Variants in EVI5 observed in about 807,000 individuals in gnomAD.
EVI5 encodes ecotropic viral integration site 5.
A neutral mutation model predicts 112.0 loss-of-function variants in EVI5; 73 were observed. The observed-to-expected ratio is 0.65, with a 90% CI of 0.54 to 0.79. The LOEUF (loss-of-function observed/expected upper bound fraction) is 0.79, where lower values mean the gene tolerates loss of function less well. Ranked by LOEUF, EVI5 falls within the 30% of genes least tolerant of loss-of-function variation. EVI5 has a pLI of 0.00. For missense variants in EVI5, 900 were observed against 968.8 expected (o/e 0.93, Z 0.94); for synonymous variants, 305 against 319.9 (o/e 0.95, Z 0.50).
chr1:92,655,696 G>C (rs1662879205), intron 13 of EVI5, among the ~76,000 whole-genome samples: 1 of 152,026 alleles, frequency 6.6e-6, no homozygotes, highest in South Asian at 2.1e-4. Context: ...AGATAAAACA[G>C]ACTTTAAATC....
chr1:92,563,150 T>G (rs918704432), intron 19 of EVI5, among the ~76,000 whole-genome samples: 1 of 152,144 alleles, frequency 6.6e-6, no homozygotes, highest in African/African-American at 2.4e-5. Flanking sequence ...TAGTACCAGT[T>G]TAAAAAGCAT....
chr1:92,527,429 A>AAAAAAAG (rs1662093705), intron 19 of EVI5, among the ~76,000 whole-genome samples: 65 of 134,734 alleles, frequency 4.8e-4, no homozygotes, highest in African/African-American at 6.2e-4. Flanking sequence ...AAAAAAAAAA[A>AAAAAAAG]AAAAGAAAAA....
chr1:92,553,326 G>C (rs1382443650), intron 19 of EVI5, among the ~76,000 whole-genome samples: 1 of 80,084 alleles, frequency 1.2e-5, no homozygotes, highest in Non-Finnish European at 2.3e-5. Context: ...TTTTTGAGAT[G>C]GAGTCTCACT....
chr1:92,520,007 A>G (rs1283157904), intron 19 of EVI5, among the ~76,000 whole-genome samples: 2 of 152,100 alleles, frequency 1.3e-5, no homozygotes, highest in Non-Finnish European at 2.9e-5. Context: ...TTATAGAGAC[A>G]GAAAGTAGAT....
intron 18 of EVI5, among the ~76,000 whole-genome samples, chr1:92,578,971 G>A (rs934721392): frequency 1.3e-5 from 2 of 152,150 alleles, no homozygotes; most frequent in Admixed American, 6.5e-5. Flanking sequence ...CCTCAGTCTC[G>A]CAAAGTGCTG....
intron 2 of EVI5, among the ~76,000 whole-genome samples, chr1:92,727,102 C>T (rs536406096): frequency 2.0e-5 from 3 of 152,188 alleles, no homozygotes; most frequent in African/African-American, 7.2e-5. Context: ...TGAAAGAAGT[C>T]GGTTACAAAA....
upstream of EVI5, among the ~76,000 whole-genome samples, chr1:92,786,244 A>G (rs1164928181): frequency 6.6e-6 from 1 of 152,116 alleles, no homozygotes; most frequent in East Asian, 1.9e-4. Flanking sequence ...AGAAAAAAAA[A>G]AAAAAAAAAA....
chr1:92,514,332 T>G (rs551778632), intron 19 of EVI5, among the ~76,000 whole-genome samples: 2 of 152,162 alleles, frequency 1.3e-5, no homozygotes, highest in Non-Finnish European at 2.9e-5. Flanking sequence ...TTTTTTGTAT[T>G]TTTTGTAGAC....
chr1:92,632,753 T>C (rs978719140), intron 14 of EVI5, among the ~76,000 whole-genome samples: 5 of 152,200 alleles, frequency 3.3e-5, no homozygotes, highest in African/African-American at 1.2e-4. Context: ...CTAGTTCTTT[T>C]AATTGTGATG....
intron 2 of EVI5, among the ~76,000 whole-genome samples, chr1:92,714,449 C>G (rs1325189725): frequency 6.6e-6 from 1 of 152,104 alleles, no homozygotes; most frequent in Non-Finnish European, 1.5e-5. Flanking sequence ...ATATAACTTA[C>G]ATATCTATAT....
chr1:92,757,262 A>T (rs1024740243), intron 1 of EVI5, among the ~76,000 whole-genome samples: 1 of 152,256 alleles, frequency 6.6e-6, no homozygotes, highest in Admixed American at 6.5e-5. Context: ...AAATTTGGAC[A>T]GACTCCAATT....
rs981038887 is a variant in EVI5 at position 92,684,729 on chromosome 1, CA to C, written c.1098-7512del. Among the ~76,000 whole-genome samples, 410 of 139,900 alleles carry C rather than the reference CA, an allele frequency of 2.9e-3. 1 individual carries two copies. Among genetic ancestry groups the C allele is most frequent in the African/African-American group, 9.2e-3 (351 of 38,142 alleles). 91.8% of individuals were successfully genotyped at this position (139,900 alleles called of 152,430 possible). A position where few individuals can be genotyped will look rare whatever the true frequency, so the allele number is the denominator to read the frequency against. On this transcript the variant is annotated intron_variant, in intron 9 of 19. Transcript: ENST00000684568. Reference sequence around the variant, plus strand: ...GAAGATCTACCAAGCAATTGGAAAGCAAAAAAAAAAGCATGGGTTGCAATCC... The same window carrying C: ...GAAGATCTACCAAGCAATTGGAAAGCAAAAAAAAAGCATGGGTTGCAATCC...
chr1:92,772,645 G>A (rs1333282283), intron 1 of EVI5, among the ~76,000 whole-genome samples: 1 of 152,138 alleles, frequency 6.6e-6, no homozygotes, highest in Non-Finnish European at 1.5e-5. Context: ...GCTCATGCCT[G>A]TAATCCCAGC....
At chr1:92,788,340 G>A (rs961183208), upstream of EVI5, among the ~76,000 whole-genome samples, 13 of 152,028 alleles carry the variant, frequency 8.6e-5, no homozygotes, top group South Asian at 2.7e-3. Flanking sequence ...CGGGCATGGT[G>A]GCGTGTGCCT....
chr1:92,579,913 T>C (rs1671679472), intron 18 of EVI5, among the ~76,000 whole-genome samples: 1 of 152,186 alleles, frequency 6.6e-6, no homozygotes, highest in South Asian at 2.1e-4. Flanking sequence ...ATTTTACAAA[T>C]GATAATACTG....
intron 14 of EVI5, among the ~76,000 whole-genome samples, chr1:92,626,381 G>C (rs1179760933): frequency 1.3e-5 from 2 of 152,086 alleles, no homozygotes; most frequent in African/African-American, 4.8e-5. Context: ...TATGCCAAAT[G>C]ATATTCCACT....
chr1:92,703,182 C>A (rs1301311945), intron 4 of EVI5, among the ~76,000 whole-genome samples: 2 of 152,004 alleles, frequency 1.3e-5, no homozygotes, highest in East Asian at 3.9e-4. Flanking sequence ...TTTCCATCAA[C>A]TAATGCTAAA....
intron 2 of EVI5, among the ~76,000 whole-genome samples, chr1:92,723,330 T>C (rs554359921): frequency 3.7e-4 from 56 of 152,334 alleles, no homozygotes; most frequent in African/African-American, 1.3e-3. Context: ...CTTCTTCCCA[T>C]GCTGTTGCGG....
In EVI5 at chr1:92,623,289, T is replaced by C. The variant is rs537486681; in HGVS notation, c.1827+887A>G. Among the ~76,000 whole-genome samples, 14 of 152,308 alleles carry C rather than the reference T, an allele frequency of 9.2e-5. No homozygotes were observed. In the South Asian group the frequency reaches 2.9e-3, roughly 32 times the overall value. On this transcript the variant is annotated intron_variant, in intron 16 of 19. Coordinates refer to ENST00000684568, the MANE Select transcript of EVI5 (RefSeq NM_001350197.2). ...TAACTTTGAACAATGTAAAACAAGA[T>C]ATATTTATTCTGAAGAAATTACATA...
Sources: gnomAD v4.1 joint callset for allele counts (sites outside exome capture counted in the v4.1 genomes callset) on GRCh38, gnomAD v4.1.1 for gene constraint, MANE v1.5 for transcripts, NCBI Gene and HGNC (gene_info 2026-07-23, HGNC 2026-07-21) for gene names.